The following NBAS variants were observed in gnomAD, a reference collection of about 807,000 sequenced individuals.
NBAS encodes the protein NAG/BC035112 fusion.
Under a neutral mutation model 302.5 loss-of-function variants are expected in NBAS, and 219 were observed. That is an observed-to-expected ratio of 0.72 (90% CI 0.65 to 0.81). The LOEUF (loss-of-function observed/expected upper bound fraction) is 0.81. Among genes scored for constraint, NBAS ranks in the 30% least tolerant of loss-of-function variants. NBAS has a pLI of 0.00. For missense variants in NBAS, 2,932 were observed against 2,841.6 expected (o/e 1.03, Z -0.72); for synonymous variants, 1,118 against 1,021.6 (o/e 1.09, Z -1.80).
At chr2:15,283,698 T>C (rs943397027) in intron 42 of NBAS, among the ~76,000 whole-genome samples, 8 of 152,124 alleles carry the variant, frequency 5.3e-5, no homozygotes, top group South Asian at 2.1e-4. Context: ...AGCCACTCAG[T>C]TATACATTTT....
At chr2:14,884,001 AAAAG>A in the NBAS span, among the ~76,000 whole-genome samples, 2 of 152,022 alleles carry the variant, frequency 1.3e-5, no homozygotes, top group Non-Finnish European at 2.9e-5. Flanking sequence ...AAAGAAAAAT[AAAAG>A]AAAGAAAGGT....
At chr2:15,511,750 G>A (rs908602304) in intron 9 of NBAS, among the ~76,000 whole-genome samples, 2 of 152,282 alleles carry the variant, frequency 1.3e-5, no homozygotes, top group South Asian at 2.1e-4. Context: ...CAGAAAGCTA[G>A]AAAGAAATGA....
At chr2:15,313,910 T>C (rs1163462570) in intron 38 of NBAS, among the ~76,000 whole-genome samples, 1 of 152,232 alleles carries the variant, frequency 6.6e-6, no homozygotes, top group East Asian at 1.9e-4. Context: ...TCTAGGAAAC[T>C]ATGACTCAGA....
At chr2:14,905,028 C>T in the NBAS span, among the ~76,000 whole-genome samples, 1 of 152,194 alleles carries the variant, frequency 6.6e-6, no homozygotes, top group East Asian at 1.9e-4. Context: ...GCCTGGGCGA[C>T]AGAGTGAGAC....
chr2:15,354,909 A>G (rs1323318402), intron 33 of NBAS, among the ~76,000 whole-genome samples: 2 of 152,162 alleles, frequency 1.3e-5, no homozygotes, highest in Non-Finnish European at 2.9e-5. Context: ...GCAAGGTCCT[A>G]TTAAATCATT....
At chr2:15,337,699 A>G (rs1672654161) in intron 35 of NBAS, among the ~76,000 whole-genome samples, 2 of 152,216 alleles carry the variant, frequency 1.3e-5, no homozygotes, top group Non-Finnish European at 2.9e-5. Flanking sequence ...GAGAATCATG[A>G]AAGAGAAAGT....
At chr2:15,359,077 G>A (rs1673770571) in intron 32 of NBAS, among the ~76,000 whole-genome samples, 2 of 152,148 alleles carry the variant, frequency 1.3e-5, no homozygotes, top group East Asian at 1.9e-4. Flanking sequence ...GAGACTGTCA[G>A]TTCGCATCAA....
chr2:14,795,598 T>C, the NBAS span, among the ~76,000 whole-genome samples: 1 of 152,224 alleles, frequency 6.6e-6, no homozygotes, highest in East Asian at 1.9e-4. Context: ...CTTAACTTTA[T>C]TCAAGTAAAA....
At chr2:15,394,163 G>A in intron 28 of NBAS, 64 bp downstream of exon 28, 2 of 1,491,718 alleles carry the variant, frequency 1.3e-6, no homozygotes, top group Non-Finnish European at 9.0e-7. Flanking sequence ...GTCAGAAAAA[G>A]AGAAATACTT....
chr2:15,196,582 C>T (rs1665630522), intron 48 of NBAS, among the ~76,000 whole-genome samples: 1 of 151,870 alleles, frequency 6.6e-6, no homozygotes, highest in African/African-American at 2.4e-5. Flanking sequence ...AAACAAAATG[C>T]AGAAAACAAA....
the NBAS span, among the ~76,000 whole-genome samples, chr2:14,908,832 C>T: frequency 2.0e-5 from 3 of 152,106 alleles, no homozygotes; most frequent in African/African-American, 7.2e-5. Context: ...CAGTTTTCCT[C>T]CCCCACCTCA....
chr2:15,281,634 T>C (rs1485145788), intron 42 of NBAS, among the ~76,000 whole-genome samples: 1 of 152,160 alleles, frequency 6.6e-6, no homozygotes, highest in Non-Finnish European at 1.5e-5. Context: ...AAATAGTCAT[T>C]TTGCAGAGGA....
the NBAS span, among the ~76,000 whole-genome samples, chr2:14,827,411 G>A: frequency 6.6e-6 from 1 of 152,218 alleles, no homozygotes; most frequent in African/African-American, 2.4e-5. Flanking sequence ...GTAGACATGA[G>A]TCAACACTTG....
chr2:15,064,120 T>C, the NBAS span, among the ~76,000 whole-genome samples: 3 of 152,148 alleles, frequency 2.0e-5, no homozygotes, highest in South Asian at 6.2e-4. Context: ...GAAAACAGGG[T>C]ATTGAAGTCT....
chr2:14,845,920 A>G, the NBAS span, among the ~76,000 whole-genome samples: 2 of 152,122 alleles, frequency 1.3e-5, no homozygotes, highest in African/African-American at 4.8e-5. Flanking sequence ...TTGAAAAAAA[A>G]TAGCCTCAAA....
the NBAS span, among the ~76,000 whole-genome samples, chr2:14,959,671 T>A: frequency 1.3e-5 from 2 of 152,232 alleles, no homozygotes; most frequent in Admixed American, 6.5e-5. Context: ...GTCAAGATAC[T>A]TTGATCTTCC....
chr2:14,902,453 T>C, the NBAS span, among the ~76,000 whole-genome samples: 1 of 152,172 alleles, frequency 6.6e-6, no homozygotes, highest in Non-Finnish European at 1.5e-5. Flanking sequence ...TTTTTATGTC[T>C]AATATTTCCT....
intron 32 of NBAS, among the ~76,000 whole-genome samples, chr2:15,361,159 C>T (rs116471572): frequency 0.012 from 1,818 of 152,222 alleles, 19 homozygotes; most frequent in Non-Finnish European, 0.016. Context: ...CATATGAGAT[C>T]GTTGTTGACC....
intron 35 of NBAS, among the ~76,000 whole-genome samples, chr2:15,338,317 C>A (rs186465763): frequency 7.2e-5 from 11 of 152,284 alleles, no homozygotes; most frequent in African/African-American, 2.6e-4. Context: ...AGCTCAACAG[C>A]TACCACTCTC....
Sources: allele counts gnomAD v4.1 joint callset (sites outside exome capture counted in the v4.1 genomes callset), GRCh38; gene constraint gnomAD v4.1.1; transcripts MANE v1.5; gene names NCBI Gene and HGNC (gene_info 2026-07-23, HGNC 2026-07-21).